Variants in GDPD1 observed in about 807,000 individuals in gnomAD.
GDPD1 encodes lysophospholipase D GDPD1.
Under a neutral mutation model 45.1 loss-of-function variants are expected in GDPD1, and 28 were observed. The observed-to-expected ratio is 0.62, with a 90% CI of 0.46 to 0.85. GDPD1 has a LOEUF of 0.85. GDPD1 is among the 40% of genes least tolerant of loss of function. GDPD1 has a pLI of 0.00. For synonymous variants in GDPD1, 139 were observed against 131.4 expected, an observed-to-expected ratio of 1.06 and a Z score of -0.40; for missense variants, 256 against 364.8, an observed-to-expected ratio of 0.70 and a Z score of 2.43.
intron 6 of GDPD1, among the ~76,000 whole-genome samples, chr17:59,266,485 T>G (rs1282420705): frequency 6.6e-6 from 1 of 152,098 alleles, no homozygotes; most frequent in Non-Finnish European, 1.5e-5. Flanking sequence ...TTTTTAAAGT[T>G]TTGGGATATT....
At chr17:59,259,930 A>G (rs1327165824) in intron 6 of GDPD1, among the ~76,000 whole-genome samples, 3 of 150,038 alleles carry the variant, frequency 2.0e-5, no homozygotes, top group Admixed American at 6.7e-5. Flanking sequence ...GCATGGTGGC[A>G]CATGCCTGTA....
intron 9 of GDPD1, 37 bp from the exon 10 acceptor site, chr17:59,273,614 C>T (rs758543755): frequency 1.7e-6 from 2 of 1,208,266 alleles, no homozygotes; most frequent in South Asian, 1.4e-5. Flanking sequence ...TCTATTTTAA[C>T]ATTTCTTCTC....
At position 59,235,574 on chromosome 17, in the gene GDPD1, G is replaced by A. The variant is rs534773888; in HGVS notation, c.185+1040G>A. Among the ~76,000 whole-genome samples, 60 of 152,210 alleles carry A rather than the reference G, an allele frequency of 3.9e-4. 1 individual carries two copies. Among genetic ancestry groups the A allele is most frequent in the Admixed American group, 2.0e-4 (3 of 15,280 alleles). Reference sequence around the variant, plus strand: ...CACCTGTAATCTCAACACTTTGGGAGGCCAAGGCGAGGCAGGTTAATCACC... The same window carrying A: ...CACCTGTAATCTCAACACTTTGGGAAGCCAAGGCGAGGCAGGTTAATCACC... On this transcript the variant is annotated intron_variant, in intron 2 of 9. Coordinates refer to ENST00000284116, the MANE Select transcript of GDPD1 (RefSeq NM_182569.4).
intron 4 of GDPD1, among the ~76,000 whole-genome samples, chr17:59,255,907 G>A (rs1235403045): frequency 1.4e-5 from 2 of 143,064 alleles, no homozygotes; most frequent in East Asian, 4.0e-4. Flanking sequence ...ATATATATGG[G>A]CGTGGTGGTG....
intron 8 of GDPD1, among the ~76,000 whole-genome samples, chr17:59,271,979 T>C (rs2047447938): frequency 6.6e-6 from 1 of 152,170 alleles, no homozygotes; most frequent in Non-Finnish European, 1.5e-5. Flanking sequence ...TTTTATCTTT[T>C]CTCTCTGTCA....
intron 4 of GDPD1, among the ~76,000 whole-genome samples, chr17:59,252,270 G>A (rs2047260896): frequency 6.6e-6 from 1 of 151,608 alleles, no homozygotes; most frequent in African/African-American, 2.4e-5. Flanking sequence ...TGTTTTTTGA[G>A]ATGAGCTTTT....
chr17:59,236,292 G>T (rs1324293335), intron 2 of GDPD1, among the ~76,000 whole-genome samples: 1 of 151,918 alleles, frequency 6.6e-6, no homozygotes, highest in Non-Finnish European at 1.5e-5. Context: ...TAATTTAAAT[G>T]GTTTTTACTT....
At position 59,221,445 on chromosome 17, in the gene GDPD1, C is replaced by CAATAAATA. The variant is rs71145536; in HGVS notation, c.142+721_142+728dup. ...TTTTTTTTTTTTTTTTTGAACACTG[C>CAATAAATA]AATAAATAAATAAATAAATAAATAA... On this transcript the variant is annotated intron_variant, in intron 1 of 9. Coordinates refer to ENST00000284116, the MANE Select transcript of GDPD1 (RefSeq NM_182569.4). 6.7e-3 allele frequency among the ~76,000 whole-genome samples: 906 copies of CAATAAATA among 135,402 alleles called. 7 individuals carry two copies. The highest frequency in any genetic ancestry group is 0.018 in the African/African-American group (648 of 35,736). The allele number at this position is 135,402 out of a possible 152,430, so 88.8% of individuals were successfully genotyped here.
intron 7 of GDPD1, among the ~76,000 whole-genome samples, chr17:59,269,872 G>A (rs1281286204): frequency 1.3e-5 from 2 of 151,998 alleles, no homozygotes; most frequent in Non-Finnish European, 2.9e-5. Context: ...CTTTCCTCTG[G>A]CCTGGAGTGG....
chr17:59,242,144 C>T (rs962448791), intron 2 of GDPD1, among the ~76,000 whole-genome samples: 3 of 152,080 alleles, frequency 2.0e-5, no homozygotes, highest in Non-Finnish European at 4.4e-5. Flanking sequence ...CTCACTGCAA[C>T]CTCCACTTCC....
At chr17:59,256,542 T>C (rs535257554) in intron 4 of GDPD1, among the ~76,000 whole-genome samples, 1 of 152,180 alleles carries the variant, frequency 6.6e-6, no homozygotes, top group East Asian at 1.9e-4. Flanking sequence ...ATAGCAAAAC[T>C]TTAGAAACAA....
intron 1 of GDPD1, 22 bp downstream of exon 1, chr17:59,220,773 C>T (rs2046997658): frequency 6.2e-7 from 1 of 1,608,064 alleles, no homozygotes; most frequent in Admixed American, 1.7e-5. Flanking sequence ...CCCCAGAACC[C>T]GATGACGGAG....
intron 2 of GDPD1, among the ~76,000 whole-genome samples, chr17:59,237,766 G>A (rs147179923): frequency 1.3e-5 from 2 of 151,846 alleles, no homozygotes; most frequent in African/African-American, 4.8e-5. Context: ...ACAAGAAGGA[G>A]CTATTTTGAA....
chr17:59,264,269 G>A (rs542022564), intron 6 of GDPD1, among the ~76,000 whole-genome samples: 1 of 152,050 alleles, frequency 6.6e-6, no homozygotes, highest in South Asian at 2.1e-4. Context: ...CAAAGTGTCG[G>A]GATTACAGGC....
intron 1 of GDPD1, among the ~76,000 whole-genome samples, chr17:59,226,010 C>T (rs906683772): frequency 2.6e-5 from 4 of 151,966 alleles, no homozygotes; most frequent in African/African-American, 4.8e-5. Context: ...CATGAGCCAC[C>T]GTGCCCAGCC....
chr17:59,275,380 A>C lies in GDPD1; in HGVS notation c.*1607A>C. Reference sequence around the variant, plus strand: ...ATTTCTGAGTTGTTGTTGTTAATGGAACATTCTATTTGAGACCTTTTTCAG... The same window carrying C: ...ATTTCTGAGTTGTTGTTGTTAATGGCACATTCTATTTGAGACCTTTTTCAG... On this transcript the variant is annotated 3_prime_UTR_variant, in exon 10 of 10. Coordinates refer to ENST00000284116, the MANE Select transcript of GDPD1 (RefSeq NM_182569.4). The C allele has an allele frequency of 1.9e-6, 1 of 536,932 alleles. No individual in the cohort carries two copies. Among genetic ancestry groups the C allele is most frequent in the East Asian group, 3.2e-5 (1 of 31,738 alleles). The allele number at this position is 536,932 out of a possible 1,614,324, so 33.3% of individuals were successfully genotyped here.
At chr17:59,245,365 C>T in intron 2 of GDPD1, 49 bp from the exon 3 acceptor site, 1 of 1,528,972 alleles carries the variant, frequency 6.5e-7, no homozygotes, top group Non-Finnish European at 8.9e-7. Context: ...TGCATGTAAC[C>T]CAAATGTATA....
At chr17:59,228,882 A>G (rs1207259990) in intron 1 of GDPD1, among the ~76,000 whole-genome samples, 1 of 142,174 alleles carries the variant, frequency 7.0e-6, no homozygotes, top group African/African-American at 2.6e-5. Context: ...CCTGTCTCAG[A>G]AAAAAAAAAA....
At position 59,261,490 on chromosome 17, in the gene GDPD1, T is replaced by TTTA. The variant is rs766401407; in HGVS notation, c.576+3671_576+3673dup. On this transcript the variant is annotated intron_variant, in intron 6 of 9. Transcript: ENST00000284116. The stretch of plus-strand genomic sequence containing the variant: ...GATTTTTTTTAATTTAATGATTTAT[T>TTTA]TTATTATTATTATTATTATTATTTA... Among the ~76,000 whole-genome samples, 241 of 151,310 alleles carry TTTA rather than the reference T, an allele frequency of 1.6e-3. 1 individual carries two copies. Among genetic ancestry groups the TTTA allele is most frequent in the Middle Eastern group, 0.01 (3 of 292 alleles).
Sources: allele counts gnomAD v4.1 joint callset (sites outside exome capture counted in the v4.1 genomes callset), GRCh38; gene constraint gnomAD v4.1.1; transcripts MANE v1.5; gene names NCBI Gene and HGNC (gene_info 2026-07-23, HGNC 2026-07-21).